The following VPS35L variants were observed in gnomAD, a reference collection of about 807,000 sequenced individuals.
The protein encoded by VPS35L is VPS35 endosomal protein sorting factor like.
A neutral mutation model predicts 133.0 loss-of-function variants in VPS35L; 83 were observed. The observed-to-expected ratio is 0.62, with a 90% CI of 0.52 to 0.75. The LOEUF is 0.75. Among genes scored for constraint, VPS35L ranks in the 30% least tolerant of loss-of-function variants. The pLI is 0.00. For synonymous variants in VPS35L, 423 were observed against 449.9 expected (o/e 0.94, Z 0.76); for missense variants, 1,083 against 1,206.8 (o/e 0.90, Z 1.52).
intron 19 of VPS35L, among the ~76,000 whole-genome samples, chr16:19,636,344 T>A (rs1973623186): frequency 6.6e-6 from 1 of 152,250 alleles, no homozygotes; most frequent in Non-Finnish European, 1.5e-5. Flanking sequence ...TTTGTATAAT[T>A]CTTTCAATAT....
chr16:19,575,529 G>T (rs1199271317), intron 5 of VPS35L, among the ~76,000 whole-genome samples: 1 of 148,718 alleles, frequency 6.7e-6, no homozygotes, highest in African/African-American at 2.5e-5. Flanking sequence ...TTGCATCATT[G>T]CACTGCAGCC....
chr16:19,642,529 T>G, intron 22 of VPS35L, 53 bp downstream of exon 22: 2 of 1,436,168 alleles, frequency 1.4e-6, no homozygotes, highest in East Asian at 2.3e-5. Flanking sequence ...TAATGCCACC[T>G]AATAGGACAT....
intron 6 of VPS35L, among the ~76,000 whole-genome samples, chr16:19,580,646 C>T (rs1230193190): frequency 6.6e-6 from 1 of 151,992 alleles, no homozygotes; most frequent in African/African-American, 2.4e-5. Flanking sequence ...TGCTCAGCTG[C>T]CGAGGGTTTT....
At chr16:19,630,373 G>A (rs151177030) in intron 18 of VPS35L, among the ~76,000 whole-genome samples, 3,241 of 130,936 alleles carry the variant, frequency 0.025, 70 homozygotes, top group African/African-American at 0.06. Flanking sequence ...TCGCTCTGTC[G>A]CCCAGGCTGG....
chr16:19,676,574 G>A (rs1333423943), intron 27 of VPS35L, among the ~76,000 whole-genome samples: 12 of 152,118 alleles, frequency 7.9e-5, no homozygotes, highest in Admixed American at 7.9e-4. Context: ...TTTTGATACA[G>A]TTGCAATTTG....
At chr16:19,656,664 A>C (rs1413052918) in intron 26 of VPS35L, among the ~76,000 whole-genome samples, 1 of 151,984 alleles carries the variant, frequency 6.6e-6, no homozygotes, top group Non-Finnish European at 1.5e-5. Flanking sequence ...GCCTTAGAGC[A>C]CTTGGCCCAC....
chr16:19,587,350 C>G, intron 7 of VPS35L: 1 of 453,782 alleles, frequency 2.2e-6, no homozygotes, highest in Non-Finnish European at 4.4e-6. Flanking sequence ...TTGACCAAGG[C>G]TGGGCGTGGT....
chr16:19,619,587 G>A (rs1362011399), intron 14 of VPS35L, among the ~76,000 whole-genome samples: 1 of 151,898 alleles, frequency 6.6e-6, no homozygotes, highest in African/African-American at 2.4e-5. Context: ...TTAGCGAAAG[G>A]CAAAATCAGA....
chr16:19,608,628 A>G (rs1402377828), intron 10 of VPS35L: 2 of 392,388 alleles, frequency 5.1e-6, no homozygotes, highest in East Asian at 4.2e-5. Context: ...AAATGCTACT[A>G]TTGAAGAACA....
chr16:19,663,669 C>CTTTTTTTTT (rs59826351), intron 26 of VPS35L, among the ~76,000 whole-genome samples: 47 of 63,918 alleles, frequency 7.4e-4, no homozygotes, highest in African/African-American at 1.6e-3. Context: ...GCAGTAATTT[C>CTTTTTTTTT]TTTTTTTTTT....
At chr16:19,556,728 T>C (rs1304899739) in intron 1 of VPS35L, among the ~76,000 whole-genome samples, 2 of 152,196 alleles carry the variant, frequency 1.3e-5, no homozygotes, top group Non-Finnish European at 2.9e-5. Flanking sequence ...CTTATTCCTT[T>C]CATTTGCCCA....
Position 19,669,303 on chromosome 16 carries a change from C to T in VPS35L, c.2361+4C>T, listed in dbSNP as rs1409230245. On this transcript the variant is annotated splice_donor_region_variant and intron_variant, in intron 27 of 30. Transcript: ENST00000417362. ...TTCTACTTTATTAATAGTTCCGGTACGTTTCCTCAGCAGAACCGCAGGACA... is the reference window on the plus strand; with the variant it reads ...TTCTACTTTATTAATAGTTCCGGTATGTTTCCTCAGCAGAACCGCAGGACA... 8.1e-6 allele frequency: 13 copies of T among 1,604,136 alleles called. No individual in the cohort carries two copies. In the East Asian group the frequency reaches 9.0e-5, roughly 11 times the overall value.
intron 8 of VPS35L, among the ~76,000 whole-genome samples, chr16:19,596,564 T>C (rs935475073): frequency 1.3e-5 from 2 of 150,768 alleles, no homozygotes; most frequent in Admixed American, 1.3e-4. Context: ...CATGAGTCAC[T>C]GCACCTGGCC....
chr16:19,639,717 C>T lies in VPS35L; in HGVS notation c.1699-298C>T, dbSNP rs1480407299. Among the ~76,000 whole-genome samples, 1 of 152,046 alleles carries T rather than the reference C, an allele frequency of 6.6e-6. No individual in the cohort carries two copies. The highest frequency in any genetic ancestry group is 2.4e-5 in the African/African-American group (1 of 41,386). On this transcript the variant is annotated intron_variant, in intron 20 of 30. Transcript: ENST00000417362. This position sits in a 1 kb window ranked among gnomAD's most constrained non-coding sequence, Gnocchi z 4.1. Reference sequence around the variant, plus strand: ...TTTATTTTTGTATTTTTAGTAGAGACAGGGTTTCGCCATGTTGGCCAGGCT... The same window carrying T: ...TTTATTTTTGTATTTTTAGTAGAGATAGGGTTTCGCCATGTTGGCCAGGCT...
chr16:19,578,721 T>G lies in VPS35L; in HGVS notation c.434-331T>G, dbSNP rs116224633. On this transcript the variant is annotated intron_variant, in intron 5 of 30. Transcript: ENST00000417362. ...GGGCCTTTTGTTCATAGAAAACAAT[T>G]AGATGACGGATTTTTGGCATCCTTA... The G allele has an allele frequency of 6.4e-3, 2,196 of 345,224 alleles. 49 individuals carry two copies. The highest frequency in any genetic ancestry group is 0.042 in the African/African-American group (2,002 of 47,298). 21.4% of individuals were successfully genotyped at this position (345,224 alleles called of 1,614,324 possible).
In VPS35L at chr16:19,669,186, A is replaced by G. The variant is rs781713958; in HGVS notation, c.2248A>G (p.Ser750Gly). 4.3e-6 allele frequency: 7 copies of G among 1,611,000 alleles called. No homozygotes were observed. The highest frequency in any genetic ancestry group is 3.3e-4 in the Middle Eastern group (2 of 6,054). ...TGATGCTTTTTTCAAAGCCGCTATA[A>G]GCCTTGTTCCGGAAGTTCCAAAGAT... ...QADAFFKAAI[S>G]LVPEVPKMIN... Residue 750 changes from serine to glycine, a missense_variant, in exon 27 of 31, where the codon AGC becomes GGC. Ser to Gly is a moderately conservative substitution (Grantham distance 56, BLOSUM62 0). Coordinates refer to ENST00000417362, the MANE Select transcript of VPS35L (RefSeq NM_020314.7).
chr16:19,678,065 C>G (rs992767905), intron 27 of VPS35L, among the ~76,000 whole-genome samples: 1 of 152,222 alleles, frequency 6.6e-6, no homozygotes, highest in Non-Finnish European at 1.5e-5. Context: ...TGCTCACTGC[C>G]TTTCATCTTG....
At chr16:19,608,770 T>C in intron 10 of VPS35L, 1 of 540,644 alleles carries the variant, frequency 1.8e-6, no homozygotes, top group Non-Finnish European at 3.3e-6. Flanking sequence ...GTATAACATT[T>C]CCCACAATTT....
At chr16:19,609,105 T>G in intron 11 of VPS35L, 84 bp downstream of exon 11, 1 of 1,182,180 alleles carries the variant, frequency 8.5e-7, no homozygotes. Context: ...AATGTAATAG[T>G]AGCCATTATT....
Sources: allele counts gnomAD v4.1 joint callset (sites outside exome capture counted in the v4.1 genomes callset), GRCh38; gene constraint gnomAD v4.1.1; non-coding constraint Gnocchi (gnomAD v3.1); transcripts MANE v1.5; gene names NCBI Gene and HGNC (gene_info 2026-07-23, HGNC 2026-07-21).